The following MASP1 variants were observed in gnomAD, a reference collection of about 807,000 sequenced individuals.
MASP1 encodes the protein mannan-binding lectin serine protease 1.
A neutral mutation model predicts 77.1 loss-of-function variants in MASP1; 59 were observed. That is an observed-to-expected ratio of 0.77 (90% CI 0.62 to 0.95). The LOEUF (loss-of-function observed/expected upper bound fraction) is 0.95, where lower values mean the gene tolerates loss of function less well. Among genes scored for constraint, MASP1 ranks in the 40% least tolerant of loss-of-function variants. MASP1 has a pLI of 0.00. For synonymous variants in MASP1, 362 were observed against 354.5 expected, an observed-to-expected ratio of 1.02 and a Z score of -0.24; for missense variants, 885 against 912.9, an observed-to-expected ratio of 0.97 and a Z score of 0.39.
At chr3:187,279,918 C>T (rs959489105) in intron 2 of MASP1, among the ~76,000 whole-genome samples, 7 of 152,142 alleles carry the variant, frequency 4.6e-5, no homozygotes, top group Non-Finnish European at 7.3e-5. Context: ...TCTATGGAAC[C>T]GTGAATTCCT....
chr3:187,256,084 T>C (rs1341188103), intron 5 of MASP1, among the ~76,000 whole-genome samples: 11 of 152,156 alleles, frequency 7.2e-5, no homozygotes, highest in Admixed American at 7.2e-4. Context: ...TTCTTAATTA[T>C]AATATTGAAA....
intron 2 of MASP1, among the ~76,000 whole-genome samples, chr3:187,271,450 A>T (rs1482551036): frequency 6.6e-6 from 1 of 152,214 alleles, no homozygotes; most frequent in African/African-American, 2.4e-5. Flanking sequence ...TTCTAAATAC[A>T]AGGCAGCCAT....
chr3:187,259,507 C>A (rs2108557815), intron 4 of MASP1, among the ~76,000 whole-genome samples: 1 of 151,858 alleles, frequency 6.6e-6, no homozygotes, highest in African/African-American at 2.4e-5. Flanking sequence ...ATGGTGGGGG[C>A]CTTAGGAAAA....
At chr3:187,268,139 G>T (rs1400390630) in intron 2 of MASP1, among the ~76,000 whole-genome samples, 2 of 152,150 alleles carry the variant, frequency 1.3e-5, no homozygotes, top group Admixed American at 1.3e-4. Flanking sequence ...ATAATGCAAT[G>T]GTGAATCAAT....
At chr3:187,220,331 T>C (rs1196805624) in intron 15 of MASP1, 48 of 1,422,410 alleles carry the variant, frequency 3.4e-5, no homozygotes, top group Non-Finnish European at 4.6e-5. Context: ...CTCCCATGTA[T>C]GGGTTGTAGT....
At chr3:187,278,112 G>A (rs1202003043) in intron 2 of MASP1, among the ~76,000 whole-genome samples, 2 of 152,124 alleles carry the variant, frequency 1.3e-5, no homozygotes, top group African/African-American at 4.8e-5. Flanking sequence ...ACTTCATTTG[G>A]CATTCACAGT....
intron 11 of MASP1, among the ~76,000 whole-genome samples, chr3:187,228,040 G>A (rs1020984726): frequency 6.6e-6 from 1 of 152,152 alleles, no homozygotes; most frequent in Middle Eastern, 3.2e-3. Context: ...AAGTATGAGG[G>A]CATTCCAGCT....
chr3:187,289,722 GGCT>G (rs1230348178), intron 1 of MASP1, among the ~76,000 whole-genome samples: 1 of 152,144 alleles, frequency 6.6e-6, no homozygotes, highest in East Asian at 1.9e-4. Flanking sequence ...TAATACACTT[GGCT>G]GAAAGTCTAG....
At position 187,279,428 on chromosome 3, in the gene MASP1, G is replaced by A. The variant is rs527996742; in HGVS notation, c.237+6397C>T. The stretch of plus-strand genomic sequence containing the variant: ...CTTGGAAATGCAGATTGTTGTGTGA[G>A]ATCGGAAATTTTATGTTGTCATAAT... On this transcript the variant is annotated intron_variant, in intron 2 of 10. Transcript: ENST00000296280. 1.6e-3 allele frequency among the ~76,000 whole-genome samples: 234 copies of A among 149,564 alleles called. 1 individual carries two copies. Among genetic ancestry groups the A allele is most frequent in the Non-Finnish European group, 2.6e-3 (173 of 67,716 alleles).
chr3:187,260,984 T>C (rs1715529515), intron 3 of MASP1, 112 bp from the exon 4 acceptor site: 2 of 1,217,564 alleles, frequency 1.6e-6, no homozygotes, highest in Non-Finnish European at 2.4e-6. Context: ...GATTCATGCG[T>C]TCTCTCATTT....
intron 5 of MASP1, among the ~76,000 whole-genome samples, chr3:187,253,693 A>G (rs1367743305): frequency 6.6e-6 from 1 of 152,212 alleles, no homozygotes; most frequent in Non-Finnish European, 1.5e-5. Context: ...TTGCAGGGAC[A>G]TGGATGAAGA....
At chr3:187,243,081 C>CT (rs1485189692) in intron 9 of MASP1, 12 of 312,870 alleles carry the variant, frequency 3.8e-5, no homozygotes, top group Admixed American at 1.4e-4. Context: ...TAATACTGGC[C>CT]TTTTTTTGGA....
intron 4 of MASP1, among the ~76,000 whole-genome samples, chr3:187,259,096 C>G (rs946578800): frequency 6.6e-6 from 1 of 152,154 alleles, no homozygotes; most frequent in Non-Finnish European, 1.5e-5. Context: ...AATCCACTGT[C>G]CTGGGAACCC....
chr3:187,263,082 G>A (rs1346034269), intron 2 of MASP1: 1 of 305,504 alleles, frequency 3.3e-6, no homozygotes, highest in Non-Finnish European at 6.3e-6. Context: ...CCAAAGAATG[G>A]AAACTGTATA....
chr3:187,227,761 G>GA (rs1712521377), intron 11 of MASP1, among the ~76,000 whole-genome samples: 1 of 152,192 alleles, frequency 6.6e-6, no homozygotes, highest in Non-Finnish European at 1.5e-5. Flanking sequence ...ACCCAGGTTA[G>GA]GACAGCCTGC....
At chr3:187,241,062 T>C (rs1459244802) in intron 10 of MASP1, among the ~76,000 whole-genome samples, 2 of 152,232 alleles carry the variant, frequency 1.3e-5, no homozygotes, top group Non-Finnish European at 2.9e-5. Context: ...CGGAAAGGCT[T>C]GACTACGTTG....
chr3:187,291,283 G>A (rs1483626974), intron 1 of MASP1: 1 of 431,540 alleles, frequency 2.3e-6, no homozygotes, highest in Non-Finnish European at 4.4e-6. Flanking sequence ...CTTTCCAGAG[G>A]AGGAACACGG....
chr3:187,220,985 C>A lies in MASP1; in HGVS notation c.1909+50G>T, dbSNP rs75655422. 9.8e-4 allele frequency: 1,478 copies of A among 1,503,172 alleles called. 13 individuals carry two copies. In the African/African-American group the frequency reaches 0.018, roughly 18 times the overall value. The allele number at this position is 1,503,172 out of a possible 1,614,324, so 93.1% of individuals were successfully genotyped here. A position where few individuals can be genotyped will look rare whatever the true frequency, so the allele number is the denominator to read the frequency against. On this transcript the variant is annotated intron_variant, in intron 15 of 15. Transcript: ENST00000337774. ...TCTGTGCTCCCTTGCTGGCTCTGCACCACTCCCTGGCTGGCAGCGCCCCTG... is the reference window on the plus strand; with the variant it reads ...TCTGTGCTCCCTTGCTGGCTCTGCAACACTCCCTGGCTGGCAGCGCCCCTG...
intron 14 of MASP1, among the ~76,000 whole-genome samples, chr3:187,222,619 T>C (rs1451543149): frequency 6.6e-6 from 1 of 152,042 alleles, no homozygotes; most frequent in Non-Finnish European, 1.5e-5. Flanking sequence ...TTGCTTCAGA[T>C]GACCCAGCAA....
Sources: allele counts gnomAD v4.1 joint callset (sites outside exome capture counted in the v4.1 genomes callset), GRCh38; gene constraint gnomAD v4.1.1; transcripts MANE v1.5; gene names NCBI Gene and HGNC (gene_info 2026-07-23, HGNC 2026-07-21).